The following ABTB3 variants were observed in gnomAD, a reference collection of about 807,000 sequenced individuals.
ABTB3 encodes the protein ankyrin repeat- and BTB/POZ domain-containing protein 3.
the ABTB3 span, among the ~76,000 whole-genome samples, chr12:107,528,351 AT>A: frequency 1.3e-5 from 2 of 152,220 alleles, no homozygotes; most frequent in African/African-American, 2.4e-5. Flanking sequence ...CTGATATGAA[AT>A]TTTCTCTTAA....
chr12:107,461,459 C>T, the ABTB3 span, among the ~76,000 whole-genome samples: 2 of 152,086 alleles, frequency 1.3e-5, no homozygotes, highest in African/African-American at 4.8e-5. Context: ...CTGGGAGCCT[C>T]CAGAAGCCAG....
the ABTB3 span, among the ~76,000 whole-genome samples, chr12:107,539,798 A>G: frequency 6.6e-6 from 1 of 152,182 alleles, no homozygotes; most frequent in Non-Finnish European, 1.5e-5. Context: ...TCCTCACCTG[A>G]GAGGTTAAGT....
the ABTB3 span, among the ~76,000 whole-genome samples, chr12:107,521,576 C>T: frequency 6.6e-6 from 1 of 152,030 alleles, no homozygotes; most frequent in Non-Finnish European, 1.5e-5. Context: ...TATATCAGAT[C>T]ACATCTCTCC....
At chr12:107,387,986 T>G in the ABTB3 span, among the ~76,000 whole-genome samples, 12 of 149,482 alleles carry the variant, frequency 8.0e-5, no homozygotes, top group African/African-American at 3.0e-4. Flanking sequence ...TTTTTTTTTT[T>G]TTTTGAGACA....
At chr12:107,562,135 C>A in the ABTB3 span, among the ~76,000 whole-genome samples, 3 of 152,224 alleles carry the variant, frequency 2.0e-5, no homozygotes, top group Non-Finnish European at 4.4e-5. Flanking sequence ...CTTATTCTTT[C>A]ATCCATTCAA....
At chr12:107,359,364 G>A in the ABTB3 span, among the ~76,000 whole-genome samples, 49 of 152,310 alleles carry the variant, frequency 3.2e-4, no homozygotes, top group African/African-American at 1.1e-3. Flanking sequence ...AGATTGCTGT[G>A]CATCCTCTGG....
the ABTB3 span, chr12:107,616,987 AG>A: frequency 8.5e-7 from 1 of 1,171,510 alleles, no homozygotes. Flanking sequence ...ACCTAGAGGG[AG>A]GGAAGGAGTG....
chr12:107,367,315 G>T, the ABTB3 span, among the ~76,000 whole-genome samples: 1 of 152,050 alleles, frequency 6.6e-6, no homozygotes, highest in Non-Finnish European at 1.5e-5. Context: ...TGACTGATTG[G>T]CATGAAGAGT....
chr12:107,318,806 T>C, the ABTB3 span: 9 of 1,006,768 alleles, frequency 8.9e-6, no homozygotes, highest in Non-Finnish European at 1.3e-5. Flanking sequence ...GTACTAACAG[T>C]TGGTAGCAGC....
the ABTB3 span, among the ~76,000 whole-genome samples, chr12:107,408,377 C>A: frequency 1.3e-5 from 2 of 152,142 alleles, no homozygotes; most frequent in African/African-American, 4.8e-5. Flanking sequence ...TTCTAATTTG[C>A]AAATTTAAAG....
chr12:107,600,275 G>A, the ABTB3 span, among the ~76,000 whole-genome samples: 6 of 152,136 alleles, frequency 3.9e-5, no homozygotes, highest in Admixed American at 6.5e-5. Flanking sequence ...CCTCGATGCC[G>A]CAATTTTTCT....
the ABTB3 span, among the ~76,000 whole-genome samples, chr12:107,588,966 G>A: frequency 6.6e-6 from 1 of 152,206 alleles, no homozygotes; most frequent in African/African-American, 2.4e-5. Context: ...TAGAACCACA[G>A]GACTTGGAGC....
the ABTB3 span, among the ~76,000 whole-genome samples, chr12:107,523,330 A>G: frequency 5.3e-4 from 81 of 152,308 alleles, 1 homozygote; most frequent in African/African-American, 1.9e-3. Flanking sequence ...CAAACCTCTG[A>G]AGTCACAAAA....
chr12:107,484,754 C>CTCAA, the ABTB3 span, among the ~76,000 whole-genome samples: 1 of 152,136 alleles, frequency 6.6e-6, no homozygotes, highest in African/African-American at 2.4e-5. Flanking sequence ...GGACCAGGTG[C>CTCAA]TACTTCTGTG....
chr12:107,554,996 C>T, the ABTB3 span, among the ~76,000 whole-genome samples: 1 of 152,174 alleles, frequency 6.6e-6, no homozygotes, highest in East Asian at 1.9e-4. Context: ...CTCCCCTTCC[C>T]TCATGTGAGG....
chr12:107,571,824 G>T, the ABTB3 span, among the ~76,000 whole-genome samples: 1 of 152,228 alleles, frequency 6.6e-6, no homozygotes, highest in Non-Finnish European at 1.5e-5. Context: ...AGAGGCACAG[G>T]CTGGCTGGCT....
chr12:107,651,320 G>A, the ABTB3 span, among the ~76,000 whole-genome samples: 1 of 152,196 alleles, frequency 6.6e-6, no homozygotes, highest in Non-Finnish European at 1.5e-5. Flanking sequence ...GTGGAGACCT[G>A]GACAACAGAG....
the ABTB3 span, among the ~76,000 whole-genome samples, chr12:107,374,511 C>A: frequency 6.6e-6 from 1 of 152,188 alleles, no homozygotes; most frequent in African/African-American, 2.4e-5. Context: ...TTCCTGAGTG[C>A]TTTCATCCTT....
At chr12:107,357,500 A>G in the ABTB3 span, among the ~76,000 whole-genome samples, 4 of 152,120 alleles carry the variant, frequency 2.6e-5, no homozygotes, top group Non-Finnish European at 4.4e-5. Context: ...AGTCTCAGCT[A>G]CTCAGGAGGC....
Sources: gnomAD v4.1 joint callset for allele counts (sites outside exome capture counted in the v4.1 genomes callset) on GRCh38, gnomAD v4.1.1 for gene constraint, MANE v1.5 for transcripts, NCBI Gene and HGNC (gene_info 2026-07-23, HGNC 2026-07-21) for gene names.